The following MINDY4 variants were observed in gnomAD, a reference collection of about 807,000 sequenced individuals.
MINDY4 encodes MINDY lysine 48 deubiquitinase 4, also known as probable ubiquitin carboxyl-terminal hydrolase MINDY-4.
A neutral mutation model predicts 87.0 loss-of-function variants in MINDY4; 68 were observed. The observed-to-expected ratio is 0.78, with a 90% confidence interval of 0.64 to 0.96. The LOEUF (loss-of-function observed/expected upper bound fraction) is 0.96, where lower values mean the gene tolerates loss of function less well. MINDY4 is among the 40% of genes least tolerant of loss of function. The pLI is 0.00. For missense variants in MINDY4, 919 were observed against 928.2 expected (o/e 0.99, Z 0.13); for synonymous variants, 379 against 363.2 (o/e 1.04, Z -0.50).
intron 9 of MINDY4, among the ~76,000 whole-genome samples, chr7:30,841,647 A>T (rs1229930354): frequency 2.0e-5 from 3 of 151,816 alleles, no homozygotes; most frequent in Non-Finnish European, 4.4e-5. Flanking sequence ...AAAAAAAAAA[A>T]TTTAGTTAAA....
chr7:30,828,174 C>T (rs1336877269), intron 5 of MINDY4, among the ~76,000 whole-genome samples: 1 of 152,140 alleles, frequency 6.6e-6, no homozygotes, highest in Non-Finnish European at 1.5e-5. Context: ...AGGAGGGTTC[C>T]TTTAAACACT....
intron 15 of MINDY4, 64 bp downstream of exon 15, chr7:30,875,720 A>T: frequency 6.6e-7 from 1 of 1,520,738 alleles, no homozygotes; most frequent in South Asian, 1.3e-5. Flanking sequence ...ATGAGGAGGG[A>T]AGTGGGGAAG....
At chr7:30,776,045 A>G (rs1354241579) in intron 1 of MINDY4, among the ~76,000 whole-genome samples, 1 of 152,184 alleles carries the variant, frequency 6.6e-6, no homozygotes, top group Non-Finnish European at 1.5e-5. Flanking sequence ...TGTTGCAAAC[A>G]CCTTGCTCCA....
intron 6 of MINDY4, among the ~76,000 whole-genome samples, chr7:30,834,934 C>A (rs1219878941): frequency 1.3e-5 from 2 of 152,200 alleles, no homozygotes; most frequent in Non-Finnish European, 2.9e-5. Context: ...ATACTACTAT[C>A]CGCATTTTTG....
chr7:30,875,635 T>A lies in MINDY4; in HGVS notation c.1950T>A (p.Phe650Leu). Residue 650 changes from phenylalanine to leucine, a missense_variant, in exon 15 of 18, where the codon TTT (phenylalanine) becomes TTA (leucine). Physicochemically the swap from Phe to Leu is conservative, Grantham distance 22. Coordinates refer to ENST00000265299, the MANE Select transcript of MINDY4 (RefSeq NM_032222.3). ...GTGATATTGGCTTCTTATCTCTCTT[T>A]GAGCATTACAACATGTGCCAGGTAC... Reference protein sequence around the residue: ...ARSDIGFLSLFEHYNMCQVGC... With the variant: ...ARSDIGFLSLLEHYNMCQVGC... 6.2e-7 allele frequency: 1 copy of A among 1,612,206 alleles called. No homozygotes were observed. Among genetic ancestry groups the A allele is most frequent in the Non-Finnish European group, 8.5e-7 (1 of 1,178,600 alleles).
At chr7:30,845,519 A>G (rs1285638005) in intron 9 of MINDY4, among the ~76,000 whole-genome samples, 12 of 111,696 alleles carry the variant, frequency 1.1e-4, no homozygotes, top group South Asian at 2.8e-4. Context: ...GATCCAGCTT[A>G]AAAAAAAAAA....
intron 1 of MINDY4, among the ~76,000 whole-genome samples, chr7:30,773,423 A>G (rs1360686541): frequency 6.6e-6 from 1 of 152,214 alleles, no homozygotes; most frequent in Non-Finnish European, 1.5e-5. Context: ...CTGGCTTCCC[A>G]TCATAATTAG....
chr7:30,773,044 C>T (rs1406709055), intron 1 of MINDY4, among the ~76,000 whole-genome samples: 1 of 151,420 alleles, frequency 6.6e-6, no homozygotes, highest in African/African-American at 2.4e-5. Flanking sequence ...CATGTTTTAT[C>T]TGGGCACACT....
chr7:30,843,724 G>A (rs1402479704), intron 9 of MINDY4, among the ~76,000 whole-genome samples: 4 of 152,008 alleles, frequency 2.6e-5, no homozygotes, highest in Non-Finnish European at 4.4e-5. Flanking sequence ...AAAGAAAACT[G>A]CTAAGCTGGA....
chr7:30,807,504 T>A (rs1430512533), intron 5 of MINDY4, among the ~76,000 whole-genome samples: 1 of 148,232 alleles, frequency 6.7e-6, no homozygotes, highest in African/African-American at 2.5e-5. Context: ...ATTTTAGATT[T>A]AAAAAAAAAA....
At chr7:30,852,190 C>G in intron 10 of MINDY4, 26 bp from the exon 11 acceptor site, 1 of 1,614,066 alleles carries the variant, frequency 6.2e-7, no homozygotes, top group Non-Finnish European at 8.5e-7. Context: ...ACTCAGAGGA[C>G]TCATGCACCT....
rs144777465 is a variant in MINDY4 at position 30,891,390 on chromosome 7, C to G, written c.2226-567C>G. Among the ~76,000 whole-genome samples the G allele has an allele frequency of 5.7e-3, 859 of 150,390 alleles. 7 individuals carry two copies. Among genetic ancestry groups the G allele is most frequent in the African/African-American group, 0.021 (820 of 39,920 alleles). On this transcript the variant is annotated intron_variant, in intron 17 of 17. Transcript: ENST00000265299. ...CCCTGGACCACAATTTAGTTATACTCCGTGCTTCTTCAGGTTAAAAAACAA... is the reference window on the plus strand; with the variant it reads ...CCCTGGACCACAATTTAGTTATACTGCGTGCTTCTTCAGGTTAAAAAACAA...
At chr7:30,773,724 G>T (rs543694846) in intron 1 of MINDY4, among the ~76,000 whole-genome samples, 2 of 152,006 alleles carry the variant, frequency 1.3e-5, no homozygotes, top group African/African-American at 4.8e-5. Context: ...CCAGTACTGC[G>T]CCCTTTCTGT....
At chr7:30,830,535 C>T (rs1359058926) in intron 6 of MINDY4, among the ~76,000 whole-genome samples, 4 of 152,194 alleles carry the variant, frequency 2.6e-5, no homozygotes, top group Non-Finnish European at 4.4e-5. Context: ...TGTCCTTCTT[C>T]ACATGGTGGC....
chr7:30,885,070 G>A (rs1790587669), intron 17 of MINDY4, among the ~76,000 whole-genome samples: 1 of 152,242 alleles, frequency 6.6e-6, no homozygotes, highest in Admixed American at 6.5e-5. Context: ...CTTGGACAAG[G>A]CTGAGCCCCA....
chr7:30,785,269 G>C (rs1458519517), intron 3 of MINDY4, among the ~76,000 whole-genome samples: 3 of 138,478 alleles, frequency 2.2e-5, no homozygotes, highest in Admixed American at 7.2e-5. Flanking sequence ...CTCTCTCTCT[G>C]ACACACACAC....
chr7:30,885,265 A>G (rs1420819456), intron 17 of MINDY4, among the ~76,000 whole-genome samples: 1 of 152,130 alleles, frequency 6.6e-6, no homozygotes, highest in East Asian at 1.9e-4. Flanking sequence ...ACCACCTATA[A>G]TCCCAGCACT....
intron 9 of MINDY4, among the ~76,000 whole-genome samples, chr7:30,848,080 C>T (rs1402534611): frequency 6.6e-6 from 1 of 152,226 alleles, no homozygotes; most frequent in Non-Finnish European, 1.5e-5. Context: ...GAGAAGCTTC[C>T]AACTGAGAAT....
chr7:30,826,556 C>T (rs1480908308), intron 5 of MINDY4, among the ~76,000 whole-genome samples: 1 of 152,136 alleles, frequency 6.6e-6, no homozygotes, highest in African/African-American at 2.4e-5. Context: ...AGTGTGATGG[C>T]CCAGAGTGAG....
Sources: allele counts gnomAD v4.1 joint callset (sites outside exome capture counted in the v4.1 genomes callset), GRCh38; gene constraint gnomAD v4.1.1; transcripts MANE v1.5; gene names NCBI Gene and HGNC (gene_info 2026-07-23, HGNC 2026-07-21).